Variants in TCERG1L observed in about 807,000 individuals in gnomAD.
The protein encoded by TCERG1L is transcription elongation regulator 1-like protein.
TCERG1L carries 37 observed loss-of-function variants against 56.3 expected under a neutral mutation model. The ratio of observed to expected loss-of-function variants is 0.66; its 90% confidence interval spans 0.51 to 0.87. The LOEUF (loss-of-function observed/expected upper bound fraction) is 0.87. Among genes scored for constraint, TCERG1L ranks in the 40% least tolerant of loss-of-function variants. TCERG1L has a pLI of 0.00. For missense variants in TCERG1L, 799 were observed against 774.2 expected (o/e 1.03, Z -0.38); for synonymous variants, 324 against 326.3 (o/e 0.99, Z 0.08).
At chr10:131,158,641 A>G (rs1845946609) in intron 6 of TCERG1L, among the ~76,000 whole-genome samples, 1 of 152,160 alleles carries the variant, frequency 6.6e-6, no homozygotes, top group African/African-American at 2.4e-5. Context: ...AACTTCTAGA[A>G]GCCAAGTTTC....
At chr10:131,157,586 A>C (rs12573168) in intron 6 of TCERG1L, among the ~76,000 whole-genome samples, 3 of 152,126 alleles carry the variant, frequency 2.0e-5, no homozygotes, top group African/African-American at 7.2e-5. Flanking sequence ...CTAAAGCCAA[A>C]TTACAAAAAA....
intron 1 of TCERG1L, among the ~76,000 whole-genome samples, chr10:131,309,841 A>AAAAAC (rs1846862175): frequency 6.9e-6 from 1 of 145,740 alleles, no homozygotes; most frequent in Non-Finnish European, 1.5e-5. Context: ...TGGCAAAAAA[A>AAAAAC]AAAAAAAAAA....
At chr10:131,286,832 T>C (rs1468938586) in intron 3 of TCERG1L, among the ~76,000 whole-genome samples, 2 of 152,224 alleles carry the variant, frequency 1.3e-5, no homozygotes, top group Non-Finnish European at 2.9e-5. Flanking sequence ...ATGAGCTTGG[T>C]TGTTATCTTC....
rs1161713296 is a variant in TCERG1L at position 131,166,882 on chromosome 10, G to A, written c.860C>T (p.Thr287Ile). 9 of 1,610,206 alleles carry A rather than the reference G, an allele frequency of 5.6e-6. No homozygotes were observed. In the African/African-American group the frequency reaches 1.2e-4, roughly 21 times the overall value. Residue 287 changes from threonine (T) to isoleucine (I), a missense_variant, in exon 5 of 12, where the codon ACA becomes ATA. Coordinates refer to ENST00000368642, the MANE Select transcript of TCERG1L (RefSeq NM_174937.4). ...GGCCACTCGGCCCCGCTCTGTCCTT[G>A]TATCTGTTGGGCCAAAGCAGTTGTC... ...IPLRTSPVSD[T>I]RTERGRVARP...
chr10:131,238,919 C>G (rs1188220061), intron 4 of TCERG1L, among the ~76,000 whole-genome samples: 1 of 152,230 alleles, frequency 6.6e-6, no homozygotes, highest in Non-Finnish European at 1.5e-5. Context: ...CTGGTCCATG[C>G]CAACGTCCCC....
intron 4 of TCERG1L, among the ~76,000 whole-genome samples, chr10:131,233,115 C>T (rs773974300): frequency 6.6e-6 from 1 of 152,218 alleles, no homozygotes; most frequent in African/African-American, 2.4e-5. Flanking sequence ...AGACACAATT[C>T]CCAAAGTGTT....
intron 4 of TCERG1L, among the ~76,000 whole-genome samples, chr10:131,240,070 T>A (rs1377351087): frequency 6.6e-6 from 1 of 152,160 alleles, no homozygotes; most frequent in East Asian, 1.9e-4. Context: ...ACTGTGCTGG[T>A]CCCTGTGGTG....
chr10:131,308,952 A>G (rs887697454), intron 2 of TCERG1L, among the ~76,000 whole-genome samples: 63 of 152,184 alleles, frequency 4.1e-4, no homozygotes, highest in African/African-American at 1.5e-3. Context: ...TGGAATCCAA[A>G]TATCCTAAAC....
At chr10:131,310,922 T>C (rs1483082959) in intron 1 of TCERG1L, among the ~76,000 whole-genome samples, 1 of 152,240 alleles carries the variant, frequency 6.6e-6, no homozygotes, top group East Asian at 1.9e-4. Flanking sequence ...GTGAAAGTCC[T>C]AACTTCTCCG....
chr10:131,296,388 T>C (rs953945642), intron 3 of TCERG1L, among the ~76,000 whole-genome samples: 1 of 152,264 alleles, frequency 6.6e-6, no homozygotes, highest in African/African-American at 2.4e-5. Context: ...CTTTTCTTTA[T>C]TGATTTTTCT....
intron 4 of TCERG1L, among the ~76,000 whole-genome samples, chr10:131,248,624 T>A (rs981667658): frequency 1.3e-5 from 2 of 152,152 alleles, no homozygotes; most frequent in African/African-American, 4.8e-5. Context: ...CATCTTAGCC[T>A]AGTTCGGGAC....
rs370147731 is a variant in TCERG1L, at chr10:131,113,475, C to T, written c.1395+3324G>A. Among the ~76,000 whole-genome samples, 58 of 142,410 alleles carry T rather than the reference C, an allele frequency of 4.1e-4. 13 individuals are homozygous for T. The East Asian group carries it at 8.9e-3, about 22-fold the overall frequency. 93.4% of individuals were successfully genotyped at this position (142,410 alleles called of 152,430 possible). A position where few individuals can be genotyped will look rare whatever the true frequency, so the allele number is the denominator to read the frequency against. On this transcript the variant is annotated intron_variant, in intron 9 of 11. Coordinates refer to ENST00000368642, the MANE Select transcript of TCERG1L (RefSeq NM_174937.4). ...GGGAGACGGACAGGGCAAGGCTGCC[C>T]TTCCTTCTGCCTGGGACTGTAGAGG...
intron 6 of TCERG1L, among the ~76,000 whole-genome samples, chr10:131,148,379 GACAC>G (rs1394177819): frequency 7.3e-6 from 1 of 136,224 alleles, no homozygotes; most frequent in African/African-American, 2.6e-5. Flanking sequence ...CAGACATAGA[GACAC>G]ACACATAAAC....
intron 10 of TCERG1L, 147 bp from the exon 11 acceptor site, chr10:131,098,571 T>C (rs551154058): frequency 2.9e-6 from 3 of 1,041,058 alleles, no homozygotes; most frequent in East Asian, 5.3e-5. Context: ...AGCAACAGCC[T>C]TTCAGCATAG....
At chr10:131,192,930 G>A (rs1409355605) in intron 4 of TCERG1L, among the ~76,000 whole-genome samples, 2 of 103,582 alleles carry the variant, frequency 1.9e-5, no homozygotes, top group Non-Finnish European at 2.2e-5. Context: ...TTGGGTGACA[G>A]GTGGACTAAA....
At chr10:131,202,229 C>T (rs1845445906) in intron 4 of TCERG1L, among the ~76,000 whole-genome samples, 1 of 152,186 alleles carries the variant, frequency 6.6e-6, no homozygotes, top group Non-Finnish European at 1.5e-5. Context: ...GACTGATGCC[C>T]CCAAAGCAAG....
At chr10:131,306,198 T>C (rs763193573) in intron 3 of TCERG1L, among the ~76,000 whole-genome samples, 1 of 152,194 alleles carries the variant, frequency 6.6e-6, no homozygotes, top group African/African-American at 2.4e-5. Flanking sequence ...TTAGATGCTT[T>C]CTTTGGCCTA....
rs1845460854 is a variant in TCERG1L, at chr10:131,116,555, C to G, written c.1395+244G>C. Among the ~76,000 whole-genome samples the G allele has an allele frequency of 2.0e-5, 3 of 152,340 alleles. No homozygotes were observed. The South Asian group carries it at 6.2e-4, about 32-fold the overall frequency. ...TGCCCCTCGGCCTCCACTCACTTAG[C>G]ACCTGCCTCTCACTCAGCACAATCA... On this transcript the variant is annotated intron_variant, in intron 9 of 11. Coordinates refer to ENST00000368642, the MANE Select transcript of TCERG1L (RefSeq NM_174937.4).
chr10:131,247,606 T>C (rs1243697125), intron 4 of TCERG1L, among the ~76,000 whole-genome samples: 3 of 152,158 alleles, frequency 2.0e-5, no homozygotes. Flanking sequence ...ACACATGTGG[T>C]GAAAAGAACC....
Sources: gnomAD v4.1 joint callset for allele counts (sites outside exome capture counted in the v4.1 genomes callset) on GRCh38, gnomAD v4.1.1 for gene constraint, MANE v1.5 for transcripts, NCBI Gene and HGNC (gene_info 2026-07-23, HGNC 2026-07-21) for gene names.